The following DGKI variants were observed in gnomAD, a reference collection of about 807,000 sequenced individuals.
The protein encoded by DGKI is diacylglycerol kinase iota.
DGKI carries 55 observed loss-of-function variants against 147.5 expected under a neutral mutation model. The observed-to-expected ratio is 0.37, with a 90% CI of 0.30 to 0.47. The LOEUF (loss-of-function observed/expected upper bound fraction) is 0.47, where lower values mean the gene tolerates loss of function less well. DGKI is among the 20% of genes least tolerant of loss of function. The pLI, the probability that DGKI is intolerant of heterozygous loss-of-function variation, is 1.00. For missense variants in DGKI, 1,007 were observed against 1,323.8 expected, an observed-to-expected ratio of 0.76 and a Z score of 3.71; for synonymous variants, 469 against 477.1, an observed-to-expected ratio of 0.98 and a Z score of 0.22.
intron 28 of DGKI, among the ~76,000 whole-genome samples, chr7:137,431,247 C>T (rs1813058912): frequency 7.6e-6 from 1 of 132,164 alleles, no homozygotes; most frequent in Non-Finnish European, 1.7e-5. Flanking sequence ...TTATAAAATA[C>T]CTTTTTTTTT....
chr7:137,784,246 C>T (rs79477588), intron 1 of DGKI, among the ~76,000 whole-genome samples: 6,247 of 152,142 alleles, frequency 0.041, 186 homozygotes, highest in Admixed American at 0.091. Flanking sequence ...CACATAAGGA[C>T]TCAGATAAAT....
chr7:137,590,796 G>A (rs949756155), intron 12 of DGKI, among the ~76,000 whole-genome samples: 3 of 152,152 alleles, frequency 2.0e-5, no homozygotes, highest in African/African-American at 4.8e-5. Context: ...GGGCTCAAGC[G>A]ATTCTCCAGC....
At position 137,430,953 on chromosome 7, in the gene DGKI, T is replaced by C. The variant is rs1001984342; in HGVS notation, c.2761+13124A>G. ...TCCTCTCCCCGAACTCCCACCCCTA[T>C]AACATCAACAAAAAATCACTCGGAG... On this transcript the variant is annotated intron_variant, in intron 28 of 32. Coordinates refer to ENST00000614521, the MANE Select transcript of DGKI (RefSeq NM_001321708.2). Among the ~76,000 whole-genome samples, 12 of 152,166 alleles carry C rather than the reference T, an allele frequency of 7.9e-5. No homozygotes were observed. The South Asian group carries it at 1.2e-3, about 16-fold the overall frequency.
chr7:137,599,078 T>C (rs142615630), intron 11 of DGKI, among the ~76,000 whole-genome samples: 265 of 152,316 alleles, frequency 1.7e-3, no homozygotes, highest in African/African-American at 6.1e-3. Context: ...AAAAAATAAG[T>C]GGTACCCTTG....
chr7:137,633,959 A>T (rs935876074), intron 6 of DGKI, among the ~76,000 whole-genome samples: 7 of 152,220 alleles, frequency 4.6e-5, no homozygotes, highest in Non-Finnish European at 8.8e-5. Context: ...GATGAGCAAG[A>T]AGTGGAAGGT....
intron 24 of DGKI, 67 bp downstream of exon 24, chr7:137,469,483 A>G: frequency 6.6e-7 from 1 of 1,508,378 alleles, no homozygotes; most frequent in South Asian, 1.1e-5. Context: ...AGCCCACCCT[A>G]TCAATTGATG....
chr7:137,552,657 C>T, intron 19 of DGKI, 89 bp from the exon 20 acceptor site: 1 of 1,422,864 alleles, frequency 7.0e-7, no homozygotes, highest in Non-Finnish European at 9.6e-7. Context: ...GCCTGTAATC[C>T]CAGCACTTTG....
chr7:137,803,926 A>G (rs181122783), intron 1 of DGKI, among the ~76,000 whole-genome samples: 20 of 152,344 alleles, frequency 1.3e-4, no homozygotes, highest in Admixed American at 1.1e-3. Context: ...TAGTCCGGGC[A>G]TGCGTTTTTC....
At chr7:137,516,588 G>C (rs774060869) in intron 21 of DGKI, among the ~76,000 whole-genome samples, 1 of 151,768 alleles carries the variant, frequency 6.6e-6, no homozygotes, top group Non-Finnish European at 1.5e-5. Context: ...AATCAGGAAC[G>C]AATTCTGTTG....
In DGKI at chr7:137,643,062, C is replaced by A. The variant is rs528196850; in HGVS notation, c.804+2410G>T. On this transcript the variant is annotated intron_variant, in intron 6 of 32. Transcript: ENST00000614521. ...ATCCTAGCACTTTGGGAGGCCGAGA[C>A]GGGCGGATCACGAGGTCAGGAGATC... 2.7e-5 allele frequency among the ~76,000 whole-genome samples: 4 copies of A among 150,730 alleles called. No homozygotes were observed. In the East Asian group the frequency reaches 7.8e-4, roughly 30 times the overall value.
At chr7:137,702,887 T>C (rs79863034) in intron 1 of DGKI, among the ~76,000 whole-genome samples, 1,728 of 152,288 alleles carry the variant, frequency 0.011, 19 homozygotes, top group South Asian at 0.044. Flanking sequence ...AACACCATAG[T>C]GGCCTAAGAT....
chr7:137,807,765 T>G (rs551955348), intron 1 of DGKI, among the ~76,000 whole-genome samples: 1 of 152,286 alleles, frequency 6.6e-6, no homozygotes, highest in African/African-American at 2.4e-5. Context: ...GGCTCCCAGG[T>G]GCCGCTGCTG....
chr7:137,638,609 TATACACAC>T (rs1445668943), intron 6 of DGKI, among the ~76,000 whole-genome samples: 450 of 1,494 alleles, frequency 0.3, 84 homozygotes, highest in Non-Finnish European at 0.4. Flanking sequence ...TATGTATATA[TATACACAC>T]ACACATATAT....
At chr7:137,638,287 T>C (rs1821402237) in intron 6 of DGKI, among the ~76,000 whole-genome samples, 1 of 151,626 alleles carries the variant, frequency 6.6e-6, no homozygotes, top group Non-Finnish European at 1.5e-5. Flanking sequence ...GTCTCTTCTT[T>C]CCTCTCCATA....
chr7:137,754,936 T>TA (rs1795634944), intron 1 of DGKI, among the ~76,000 whole-genome samples: 1 of 152,194 alleles, frequency 6.6e-6, no homozygotes, highest in South Asian at 2.1e-4. Flanking sequence ...GACAGACGCA[T>TA]AAAAGCTCAA....
At chr7:137,621,011 AT>A (rs1248939975) in intron 7 of DGKI, among the ~76,000 whole-genome samples, 1 of 152,178 alleles carries the variant, frequency 6.6e-6, no homozygotes, top group African/African-American at 2.4e-5. Flanking sequence ...ACAAACACAA[AT>A]TAGGACCGTC....
At chr7:137,535,839 C>T (rs147683156) in intron 20 of DGKI, among the ~76,000 whole-genome samples, 18 of 152,220 alleles carry the variant, frequency 1.2e-4, no homozygotes, top group Admixed American at 7.9e-4. Context: ...AACACAGGAA[C>T]GATTCCTCCA....
rs1278001809 is a variant in DGKI at position 137,715,224 on chromosome 7, G to A, written c.402-25222C>T. On this transcript the variant is annotated intron_variant, in intron 1 of 32. Transcript: ENST00000614521. ...CTTCAATATTTGGAAAACCTCCCTC[G>A]GTGATTCAAATGTGCAGCCAGGGCT... Among the ~76,000 whole-genome samples, 6 of 152,140 alleles carry A rather than the reference G, an allele frequency of 3.9e-5. No homozygotes were observed. In the East Asian group the frequency reaches 7.7e-4, roughly 19 times the overall value.
chr7:137,472,160 TTA>T (rs1158821324), intron 23 of DGKI, among the ~76,000 whole-genome samples: 2 of 120,820 alleles, frequency 1.7e-5, no homozygotes, highest in Admixed American at 1.9e-4. Flanking sequence ...CATATAAATA[TTA>T]TATATACACA....
Sources: gnomAD v4.1 joint callset for allele counts (sites outside exome capture counted in the v4.1 genomes callset) on GRCh38, gnomAD v4.1.1 for gene constraint, MANE v1.5 for transcripts, NCBI Gene and HGNC (gene_info 2026-07-23, HGNC 2026-07-21) for gene names.